RBFOX1: variants seen among roughly 807,000 people sequenced by gnomAD.
RBFOX1 encodes the protein RNA binding protein fox-1 homolog 1.
In RBFOX1, 8 loss-of-function variants were observed where a neutral mutation model predicts 57.7. The observed-to-expected ratio is 0.14, with a 90% CI of 0.08 to 0.25. The LOEUF is 0.25. Ranked by LOEUF, RBFOX1 falls within the 10% of genes least tolerant of loss-of-function variation. The pLI is 1.00. For missense variants in RBFOX1, 611 were observed against 548.5 expected, an observed-to-expected ratio of 1.11 and a Z score of -1.14; for synonymous variants, 326 against 222.4, an observed-to-expected ratio of 1.47 and a Z score of -4.15.
intron 3 of RBFOX1, among the ~76,000 whole-genome samples, chr16:5,629,989 G>T (rs2048455472): frequency 6.6e-6 from 1 of 152,154 alleles, no homozygotes; most frequent in Admixed American, 6.5e-5. Flanking sequence ...TTATTTGGTT[G>T]GGGATAGGAT....
intron 1 of RBFOX1, among the ~76,000 whole-genome samples, chr16:6,125,216 C>T (rs1191972195): frequency 6.6e-6 from 1 of 152,162 alleles, no homozygotes; most frequent in South Asian, 2.1e-4. Context: ...GCCCCCAAAT[C>T]CTTAAGTTCC....
chr16:5,865,323 C>G (rs1352248810), intron 3 of RBFOX1, among the ~76,000 whole-genome samples: 1 of 152,166 alleles, frequency 6.6e-6, no homozygotes, highest in African/African-American at 2.4e-5. Flanking sequence ...GAATCAGCTG[C>G]TTTCCCAGTC....
chr16:5,510,974 A>C (rs1332809554), intron 2 of RBFOX1, among the ~76,000 whole-genome samples: 3 of 152,176 alleles, frequency 2.0e-5, no homozygotes, highest in Middle Eastern at 6.3e-3. Context: ...TATAATCCAC[A>C]TGACTATTAT....
At chr16:5,315,940 G>A (rs1168881298) in intron 1 of RBFOX1, among the ~76,000 whole-genome samples, 1 of 152,114 alleles carries the variant, frequency 6.6e-6, no homozygotes, top group Non-Finnish European at 1.5e-5. Context: ...TAGCGCATAA[G>A]ACAGAACTTT....
At chr16:6,563,461 A>T (rs1050409582) in intron 2 of RBFOX1, among the ~76,000 whole-genome samples, 1 of 152,094 alleles carries the variant, frequency 6.6e-6, no homozygotes, top group African/African-American at 2.4e-5. Context: ...TAAGTCAAAA[A>T]ATTTGGTGCA....
intron 1 of RBFOX1, among the ~76,000 whole-genome samples, chr16:6,028,408 C>G (rs2095237021): frequency 6.6e-6 from 1 of 151,252 alleles, no homozygotes; most frequent in South Asian, 2.1e-4. Context: ...CATGGTGGCT[C>G]CTGCCTGCAA....
At chr16:5,856,024 A>G (rs1283171704) in intron 3 of RBFOX1, among the ~76,000 whole-genome samples, 1 of 122,678 alleles carries the variant, frequency 8.2e-6, no homozygotes, top group Non-Finnish European at 1.7e-5. Flanking sequence ...TACTTTCCTA[A>G]TTTTCTTTCC....
intron 4 of RBFOX1, among the ~76,000 whole-genome samples, chr16:7,446,131 T>G (rs2098805773): frequency 6.6e-6 from 1 of 152,182 alleles, no homozygotes; most frequent in African/African-American, 2.4e-5. Context: ...GTGAAATGAC[T>G]AATTAACACC....
chr16:7,179,960 C>A (rs1178103736), intron 4 of RBFOX1, among the ~76,000 whole-genome samples: 1 of 151,596 alleles, frequency 6.6e-6, no homozygotes, highest in Non-Finnish European at 1.5e-5. Flanking sequence ...CCAGGCAGAT[C>A]TAGAACTCCT....
chr16:6,893,397 C>G (rs569138668), intron 3 of RBFOX1, among the ~76,000 whole-genome samples: 1 of 152,258 alleles, frequency 6.6e-6, no homozygotes, highest in South Asian at 2.1e-4. Context: ...TTTCTTTATC[C>G]CTGTACCATG....
chr16:5,469,016 G>T (rs2151615398), intron 2 of RBFOX1, among the ~76,000 whole-genome samples: 1 of 152,326 alleles, frequency 6.6e-6, no homozygotes, highest in Admixed American at 6.5e-5. Flanking sequence ...TGGTCACCCT[G>T]AACCACTCTG....
At chr16:6,207,602 A>G (rs1436011236) in intron 1 of RBFOX1, among the ~76,000 whole-genome samples, 1 of 152,198 alleles carries the variant, frequency 6.6e-6, no homozygotes, top group Non-Finnish European at 1.5e-5. Context: ...ATTGCCATAT[A>G]TTAATTTAAT....
At chr16:5,959,490 A>G (rs528914121) in intron 4 of RBFOX1, among the ~76,000 whole-genome samples, 1 of 152,324 alleles carries the variant, frequency 6.6e-6, no homozygotes, top group East Asian at 1.9e-4. Context: ...TTCTAAGAGT[A>G]GTGTTCCTCA....
intron 3 of RBFOX1, among the ~76,000 whole-genome samples, chr16:5,679,151 C>T (rs79499355): frequency 0.015 from 2,284 of 152,250 alleles, 30 homozygotes; most frequent in Non-Finnish European, 0.024. Context: ...GGCAGAGTAC[C>T]CTGGAAAGGG....
At chr16:7,255,985 T>C (rs142359082) in intron 4 of RBFOX1, among the ~76,000 whole-genome samples, 18 of 152,318 alleles carry the variant, frequency 1.2e-4, no homozygotes, top group African/African-American at 3.6e-4. Context: ...GTGTTGGTGT[T>C]AGTTTATTGT....
intron 2 of RBFOX1, among the ~76,000 whole-genome samples, chr16:6,395,048 G>A (rs142413872): frequency 2.0e-5 from 3 of 152,292 alleles, no homozygotes; most frequent in African/African-American, 7.2e-5. Context: ...TGTTTGGTTA[G>A]GTGGTATAGG....
At chr16:5,904,235 G>C (rs1298018752) in intron 4 of RBFOX1, among the ~76,000 whole-genome samples, 1 of 152,006 alleles carries the variant, frequency 6.6e-6, no homozygotes, top group Non-Finnish European at 1.5e-5. Context: ...TCTTCCCACT[G>C]TGAAAAACTA....
Position 6,682,621 on chromosome 16 carries a change from A to G in RBFOX1, c.-16+27971A>G, listed in dbSNP as rs140303432. Among the ~76,000 whole-genome samples the G allele has an allele frequency of 1.0e-3, 153 of 152,104 alleles. 1 individual carries two copies. Among genetic ancestry groups the G allele is most frequent in the Non-Finnish European group, 1.4e-3 (97 of 67,996 alleles). On this transcript the variant is annotated intron_variant, in intron 3 of 15. Transcript: ENST00000550418. ...AGCAGTTCTGGCCTCCAACCGCCAGATGTCGAGAGAGCTTTTCCTTCTCCC... is the reference window on the plus strand; with the variant it reads ...AGCAGTTCTGGCCTCCAACCGCCAGGTGTCGAGAGAGCTTTTCCTTCTCCC...
At chr16:7,253,660 C>T (rs187704295) in intron 4 of RBFOX1, among the ~76,000 whole-genome samples, 2 of 152,150 alleles carry the variant, frequency 1.3e-5, no homozygotes, top group East Asian at 3.9e-4. Context: ...TATGCTTTGA[C>T]ATCACTTCTC....
Sources: allele counts gnomAD v4.1 joint callset (sites outside exome capture counted in the v4.1 genomes callset), GRCh38; gene constraint gnomAD v4.1.1; transcripts MANE v1.5; gene names NCBI Gene and HGNC (gene_info 2026-07-23, HGNC 2026-07-21).